Variants in RPH3A observed in about 807,000 individuals in gnomAD.
RPH3A encodes rabphilin-3A.
RPH3A carries 48 observed loss-of-function variants against 102.2 expected under a neutral mutation model. The observed-to-expected ratio is 0.47, with a 90% CI of 0.37 to 0.60. The LOEUF is 0.60. Ranked by LOEUF, RPH3A falls within the 20% of genes least tolerant of loss-of-function variation. The pLI, the probability that RPH3A is intolerant of heterozygous loss-of-function variation, is 0.00. For missense variants in RPH3A, 781 were observed against 910.1 expected (o/e 0.86, Z 1.83); for synonymous variants, 310 against 324.3 (o/e 0.96, Z 0.47).
At chr12:112,693,721 C>G (rs1328891766) in intron 1 of RPH3A, among the ~76,000 whole-genome samples, 2 of 152,218 alleles carry the variant, frequency 1.3e-5, no homozygotes, top group African/African-American at 2.4e-5. Context: ...CTTCCCTGAT[C>G]ACTTTTTCTA....
At chr12:112,748,359 C>A (rs890885639) in intron 1 of RPH3A, among the ~76,000 whole-genome samples, 1 of 152,024 alleles carries the variant, frequency 6.6e-6, no homozygotes. Context: ...TTTGAGACAG[C>A]ACCTTACTCT....
chr12:112,781,887 A>G (rs1238182706), intron 1 of RPH3A, among the ~76,000 whole-genome samples: 2 of 152,242 alleles, frequency 1.3e-5, no homozygotes, highest in African/African-American at 4.8e-5. Flanking sequence ...CATCTAGAAA[A>G]CATGGAGTTT....
chr12:112,894,611 A>C lies in RPH3A; in HGVS notation c.1809A>C (p.Lys603Asn). 6.2e-7 allele frequency: 1 copy of C among 1,614,038 alleles called. No homozygotes were observed. The highest frequency in any genetic ancestry group is 1.1e-5 in the South Asian group (1 of 91,052). The part of the protein sequence containing the change: ...WLKPDMGKKA[K>N]HKTQIKKKTL... Reference sequence around the variant, plus strand: ...AACCGGACATGGGAAAGAAGGCCAAACACAAGACTCAAATTAAAAAGAAAA... The same window carrying C: ...AACCGGACATGGGAAAGAAGGCCAACCACAAGACTCAAATTAAAAAGAAAA... Residue 603 changes from lysine (K) to asparagine (N), a missense_variant, in exon 20 of 22, where the codon AAA becomes AAC. This residue lies in a region of RPH3A where 730 missense variants were observed against 810.0 expected (regional missense o/e 0.90). Transcript: ENST00000389385.
chr12:112,717,033 G>A (rs186705801), intron 1 of RPH3A, among the ~76,000 whole-genome samples: 29 of 152,204 alleles, frequency 1.9e-4, no homozygotes, highest in Non-Finnish European at 3.1e-4. Context: ...TGTGTTCTTC[G>A]TCCCATTTAA....
chr12:112,630,145 C>G (rs1477422591), intron 1 of RPH3A, among the ~76,000 whole-genome samples: 1 of 152,050 alleles, frequency 6.6e-6, no homozygotes, highest in Admixed American at 6.6e-5. Flanking sequence ...CCCATCCACC[C>G]ACCCACCCAT....
At chr12:112,668,657 G>T (rs909911985) in intron 1 of RPH3A, among the ~76,000 whole-genome samples, 2 of 152,090 alleles carry the variant, frequency 1.3e-5, no homozygotes, top group Non-Finnish European at 2.9e-5. Context: ...CAGGCCTGTC[G>T]GGTGGTGGGG....
Position 112,665,240 on chromosome 12 carries a change from T to G in RPH3A, c.-140+89921T>G, listed in dbSNP as rs532389506. On this transcript the variant is annotated intron_variant, in intron 1 of 21. Transcript: ENST00000543106. ...AGTCCAGACCAAGATGGCCTCCAACTTGGACTCCAGGAACAAATGCCTCTG... is the reference window on the plus strand; with the variant it reads ...AGTCCAGACCAAGATGGCCTCCAACGTGGACTCCAGGAACAAATGCCTCTG... 3.7e-4 allele frequency among the ~76,000 whole-genome samples: 57 copies of G among 152,312 alleles called. No individual in the cohort carries two copies. The South Asian group carries it at 0.011, about 29-fold the overall frequency.
intron 1 of RPH3A, among the ~76,000 whole-genome samples, chr12:112,586,734 T>C (rs1288812899): frequency 6.6e-6 from 1 of 152,128 alleles, no homozygotes; most frequent in South Asian, 2.1e-4. Context: ...ATGAAGAAGG[T>C]CCTACTATTT....
chr12:112,659,220 T>C (rs1414462805), intron 1 of RPH3A, among the ~76,000 whole-genome samples: 1 of 152,200 alleles, frequency 6.6e-6, no homozygotes, highest in Non-Finnish European at 1.5e-5. Flanking sequence ...TGAACGTGAA[T>C]GCATCACGAC....
intron 1 of RPH3A, among the ~76,000 whole-genome samples, chr12:112,750,743 C>T (rs564028158): frequency 2.1e-4 from 32 of 152,310 alleles, no homozygotes; most frequent in Admixed American, 3.3e-4. Flanking sequence ...TCTACTTTCA[C>T]TCCAGGATCT....
At chr12:112,858,593 A>G (rs1265632688) in intron 5 of RPH3A, among the ~76,000 whole-genome samples, 1 of 152,184 alleles carries the variant, frequency 6.6e-6, no homozygotes, top group Non-Finnish European at 1.5e-5. Flanking sequence ...TATGATGATT[A>G]TGGCAATTTG....
intron 4 of RPH3A, among the ~76,000 whole-genome samples, chr12:112,840,192 T>A (rs2042119378): frequency 6.6e-6 from 1 of 152,146 alleles, no homozygotes; most frequent in South Asian, 2.1e-4. Context: ...ATTTTTAAAT[T>A]TTTTTGACAT....
At chr12:112,663,317 C>T (rs1443648727) in intron 1 of RPH3A, among the ~76,000 whole-genome samples, 1 of 151,986 alleles carries the variant, frequency 6.6e-6, no homozygotes, top group Non-Finnish European at 1.5e-5. Flanking sequence ...TTAAGCGATC[C>T]TCCCACCTCA....
chr12:112,620,238 T>G (rs983494589), intron 1 of RPH3A, among the ~76,000 whole-genome samples: 23 of 152,208 alleles, frequency 1.5e-4, no homozygotes, highest in African/African-American at 5.5e-4. Flanking sequence ...CCAACATGTT[T>G]TCATGGTGCT....
intron 1 of RPH3A, among the ~76,000 whole-genome samples, chr12:112,747,220 G>A (rs925451500): frequency 2.6e-5 from 4 of 152,124 alleles, no homozygotes; most frequent in African/African-American, 9.7e-5. Flanking sequence ...TTAGGGTAGT[G>A]GGACTTTTGG....
intron 1 of RPH3A, among the ~76,000 whole-genome samples, chr12:112,697,725 C>T (rs886983027): frequency 4.6e-5 from 7 of 152,008 alleles, no homozygotes; most frequent in African/African-American, 9.7e-5. Flanking sequence ...ATTAGCCAGG[C>T]ATGGTGGCAT....
chr12:112,642,887 G>A (rs2039900781), intron 1 of RPH3A, among the ~76,000 whole-genome samples: 1 of 152,080 alleles, frequency 6.6e-6, no homozygotes, highest in African/African-American at 2.4e-5. Flanking sequence ...TCTCCCCCAG[G>A]GTAAGGCAAG....
intron 2 of RPH3A, among the ~76,000 whole-genome samples, chr12:112,820,656 A>G (rs1565899790): frequency 6.6e-6 from 1 of 152,224 alleles, no homozygotes; most frequent in African/African-American, 2.4e-5. Flanking sequence ...TGGGATGACC[A>G]TACTCATTTT....
At chr12:112,877,459 C>CA (rs1555219884) in intron 13 of RPH3A, among the ~76,000 whole-genome samples, 116 of 146,384 alleles carry the variant, frequency 7.9e-4, no homozygotes, top group African/African-American at 2.8e-3. Context: ...CACACACACA[C>CA]CAGTGGCATT....
Sources: gnomAD v4.1 joint callset for allele counts (sites outside exome capture counted in the v4.1 genomes callset) on GRCh38, gnomAD v4.1.1 for gene constraint, gnomAD v4.1.1 regional missense constraint, MANE v1.5 for transcripts, NCBI Gene and HGNC (gene_info 2026-07-23, HGNC 2026-07-21) for gene names.